The following ATM variants were observed in gnomAD, a reference collection of about 807,000 sequenced individuals.
ATM encodes serine-protein kinase ATM.
ATM carries 308 observed loss-of-function variants against 387.0 expected under a neutral mutation model. The ratio of observed to expected loss-of-function variants is 0.80; its 90% confidence interval spans 0.73 to 0.87. The LOEUF (loss-of-function observed/expected upper bound fraction) is 0.87, where lower values mean the gene tolerates loss of function less well. Among genes scored for constraint, ATM ranks in the 40% least tolerant of loss-of-function variants. The pLI is 0.00. For missense variants in ATM, 3,312 were observed against 3,560.9 expected, an observed-to-expected ratio of 0.93 and a Z score of 1.78; for synonymous variants, 1,156 against 1,187.3, an observed-to-expected ratio of 0.97 and a Z score of 0.54.
At chr11:108,224,043 C>T (rs867309698) in intron 1 of ATM, 2 of 152,350 alleles carry the variant, frequency 1.3e-5, no homozygotes, top group Non-Finnish European at 2.9e-5. Context: ...ACTTTCGAAA[C>T]AGTCATAACG....
intron 37 of ATM, among the ~76,000 whole-genome samples, chr11:108,305,072 A>G (rs2083618197): frequency 6.6e-6 from 1 of 152,208 alleles, no homozygotes; most frequent in Non-Finnish European, 1.5e-5. Flanking sequence ...GATGTATAGT[A>G]TTCCCTCAGT....
chr11:108,289,061 A>T lies in ATM; in HGVS notation c.4194A>T (p.Lys1398Asn), dbSNP rs1565455145. 6.2e-7 allele frequency: 1 copy of T among 1,612,514 alleles called. No homozygotes were observed. Residue 1398 changes from lysine (K) to asparagine (N), a missense_variant, in exon 28 of 63, where the codon AAA becomes AAT. Around this residue, in one of 4 missense-constraint regions of ATM, gnomAD observed 1,791 missense variants for 1,804.5 expected, o/e 0.99. Coordinates refer to ENST00000675843, the MANE Select transcript of ATM (RefSeq NM_000051.4). ...ATFAYISNCH[K>N]TKLKSILEIL... ...TTGCCTATATCAGCAATTGTCATAA[A>T]ACCAAGTTAAAAAGCATTTTAGAAA...
chr11:108,282,279 C>T (rs991113058), intron 24 of ATM, among the ~76,000 whole-genome samples: 1 of 151,950 alleles, frequency 6.6e-6, no homozygotes, highest in African/African-American at 2.4e-5. Flanking sequence ...AGGCGCCCGT[C>T]GTCACATCCA....
chr11:108,284,495 A>G, intron 26 of ATM, 22 bp downstream of exon 26: 4 of 1,613,064 alleles, frequency 2.5e-6, no homozygotes, highest in Non-Finnish European at 3.4e-6. Context: ...ATTTTTATGT[A>G]CTTTTCATTC....
chr11:108,302,568 A>C lies in ATM; in HGVS notation c.5320-285A>C, dbSNP rs4988038. On this transcript the variant is annotated intron_variant, in intron 35 of 62. Coordinates refer to ENST00000675843, the MANE Select transcript of ATM (RefSeq NM_000051.4). ...GATGTGGTCTAGTTTTGTTCAAGAG[A>C]CAGATGAGTCAGAGTTTGTGATTTG... 6.8e-3 allele frequency among the ~76,000 whole-genome samples: 1,037 copies of C among 152,236 alleles called. 16 individuals are homozygous for C. Among genetic ancestry groups the C allele is most frequent in the African/African-American group, 0.023 (960 of 41,558 alleles).
intron 13 of ATM, among the ~76,000 whole-genome samples, chr11:108,254,928 C>T (rs1190428353): frequency 6.6e-6 from 1 of 152,134 alleles, no homozygotes; most frequent in African/African-American, 2.4e-5. Flanking sequence ...GGATTACAGG[C>T]GTGAGCCACG....
intron 36 of ATM, among the ~76,000 whole-genome samples, 190 bp downstream of exon 36, chr11:108,303,219 AGAG>A (rs1459261045): frequency 6.6e-6 from 1 of 152,146 alleles, no homozygotes; most frequent in Non-Finnish European, 1.5e-5. Context: ...GCAACATACT[AGAG>A]GAGTTCTAAG....
rs730881303 is a variant in ATM at position 108,229,225 on chromosome 11, CA to C, written c.237del (p.Lys79AsnfsTer37). 1 of 1,613,274 alleles carries C rather than the reference CA, an allele frequency of 6.2e-7. No homozygotes were observed. ...IQKETECLRI[A>X]KPNVSASTQA... is the part of the protein sequence containing the mutation. ...AAAGAAACAGAATGTCTGAGAATAG[CA>C]AAACCAAATGTATCAGCCTCAACAC... On this transcript the variant is annotated frameshift_variant, in exon 4 of 63. Coordinates refer to ENST00000675843, the MANE Select transcript of ATM (RefSeq NM_000051.4). LOFTEE classifies it high-confidence loss of function.
chr11:108,343,061 T>C (rs1309166298), intron 56 of ATM, among the ~76,000 whole-genome samples, 161 bp from the exon 57 acceptor site: 1 of 152,230 alleles, frequency 6.6e-6, no homozygotes, highest in Non-Finnish European at 1.5e-5. Context: ...CTTAAGTTTA[T>C]TTCCGATTGG....
At chr11:108,348,434 A>T (rs1279007833) in intron 59 of ATM, among the ~76,000 whole-genome samples, 1 of 151,120 alleles carries the variant, frequency 6.6e-6, no homozygotes, top group Non-Finnish European at 1.5e-5. Context: ...AATATATAAG[A>T]AAGAAAGAAT....
chr11:108,304,006 G>A (rs1565480669), intron 36 of ATM, among the ~76,000 whole-genome samples: 5 of 152,292 alleles, frequency 3.3e-5, no homozygotes, highest in Non-Finnish European at 2.9e-5. Flanking sequence ...TGTGTGTGAA[G>A]TATGATGAAT....
rs1483142786 is a variant in ATM, at chr11:108,323,324, G to C, written c.6572+1904G>C. On this transcript the variant is annotated intron_variant, in intron 45 of 62. Coordinates refer to ENST00000675843, the MANE Select transcript of ATM (RefSeq NM_000051.4). ...CAAGAAATTTTTCCTCTGAATGAAA[G>C]ATTATCCTGCTGAAAAGAGTACAGA... Among the ~76,000 whole-genome samples, 2 of 152,152 alleles carry C rather than the reference G, an allele frequency of 1.3e-5. 1 individual carries two copies. The highest frequency in any genetic ancestry group is 3.8e-4 in the East Asian group (2 of 5,196).
chr11:108,228,344 T>G (rs1285812746), intron 3 of ATM, among the ~76,000 whole-genome samples: 1 of 152,164 alleles, frequency 6.6e-6, no homozygotes, highest in Non-Finnish European at 1.5e-5. Flanking sequence ...CCTCGAACAA[T>G]GAAAAAACAC....
At chr11:108,326,550 AAG>A (rs1234288777) in intron 47 of ATM, among the ~76,000 whole-genome samples, 1 of 152,242 alleles carries the variant, frequency 6.6e-6, no homozygotes, top group African/African-American at 2.4e-5. Flanking sequence ...CAAGTGAAAA[AAG>A]GGAAGAGGAA....
intron 36 of ATM, among the ~76,000 whole-genome samples, chr11:108,303,440 C>T (rs1183542932): frequency 6.6e-6 from 1 of 152,030 alleles, no homozygotes; most frequent in East Asian, 1.9e-4. Context: ...TACAATTTAT[C>T]TCAACGAAGA....
In ATM at chr11:108,317,517, G is replaced by A. The variant is rs587780634; in HGVS notation, c.6343G>A (p.Val2115Ile). Residue 2115 changes from valine to isoleucine, a missense_variant, in exon 43 of 63, where the codon GTC (valine) becomes ATC (isoleucine). Val to Ile is a conservative substitution (Grantham distance 29, BLOSUM62 3). Coordinates refer to ENST00000675843, the MANE Select transcript of ATM (RefSeq NM_000051.4). ...TATGCAGTGGGACCATTGCACTTCC[G>A]TCAGGTAAGAAATTTGACTTGATTT... ...RNMQWDHCTSVSKEVEGTSYH... is the reference protein window; with the variant it reads ...RNMQWDHCTSISKEVEGTSYH... 4.2e-5 allele frequency: 67 copies of A among 1,600,824 alleles called. No individual in the cohort carries two copies. Among genetic ancestry groups the A allele is most frequent in the African/African-American group, 1.4e-4 (10 of 71,682 alleles).
Position 108,308,386 on chromosome 11 carries a change from A to AT in ATM, c.5762+406dup, listed in dbSNP as rs1449570488. Reference sequence around the variant, plus strand: ...GTAAATGTCTTCTTTATGTATCTTTATTTTAAGATGTAAGTTTCTTTACTG... The same window carrying AT: ...GTAAATGTCTTCTTTATGTATCTTTATTTTTAAGATGTAAGTTTCTTTACTG... On this transcript the variant is annotated intron_variant, in intron 38 of 62. Transcript: ENST00000675843. 1.3e-5 allele frequency: 3 copies of AT among 239,872 alleles called. No individual in the cohort carries two copies. The Admixed American group carries it at 1.6e-4, about 13-fold the overall frequency. The allele number at this position is 239,872 out of a possible 1,614,324, so 14.9% of individuals were successfully genotyped here.
At chr11:108,335,184 T>A in intron 55 of ATM, 75 bp downstream of exon 55, 1 of 1,605,932 alleles carries the variant, frequency 6.2e-7, no homozygotes, top group Non-Finnish European at 8.5e-7. Context: ...TTCTTTCTGC[T>A]TTATTTGGGA....
rs1284049490 is a variant in ATM, at chr11:108,335,951, G to T, written c.8258G>T (p.Cys2753Phe). Residue 2753 changes from cysteine (C) to phenylalanine (F), a missense_variant, in exon 56 of 63, where the codon TGT becomes TTT. Physicochemically the swap from Cys to Phe is radical, Grantham distance 205. Transcript: ENST00000675843. ...TETRKRKLTICTYKVVPLSQR... is the reference protein window; with the variant it reads ...TETRKRKLTIFTYKVVPLSQR... ...ACTAGGAAGAGGAAATTAACTATCT[G>T]TACTTATAAGGTAACTATTTGTACT... is the stretch of plus-strand genomic sequence containing the variant. 4 of 1,606,960 alleles carry T rather than the reference G, an allele frequency of 2.5e-6. No homozygotes were observed. The highest frequency in any genetic ancestry group is 1.7e-5 in the Admixed American group (1 of 60,000).
Sources: gnomAD v4.1 joint callset for allele counts (sites outside exome capture counted in the v4.1 genomes callset) on GRCh38, gnomAD v4.1.1 for gene constraint, gnomAD v4.1.1 regional missense constraint, MANE v1.5 for transcripts, NCBI Gene and HGNC (gene_info 2026-07-23, HGNC 2026-07-21) for gene names.